The following MYH10 variants were observed in gnomAD, a reference collection of about 807,000 sequenced individuals.
MYH10 encodes the protein myosin-10.
Under a neutral mutation model 257.8 loss-of-function variants are expected in MYH10, and 55 were observed. The ratio of observed to expected loss-of-function variants is 0.21; its 90% CI spans 0.17 to 0.27. The LOEUF (loss-of-function observed/expected upper bound fraction) is 0.27. MYH10 is among the 10% of genes least tolerant of loss of function. MYH10 has a pLI of 1.00. For synonymous variants in MYH10, 854 were observed against 921.7 expected (o/e 0.93, Z 1.33); for missense variants, 1,631 against 2,500.6 (o/e 0.65, Z 7.42).
chr17:8,605,060 C>T (rs1402272622), intron 2 of MYH10, 78 bp from the exon 3 acceptor site: 9 of 721,066 alleles, frequency 1.2e-5, no homozygotes, highest in Admixed American at 1.2e-4. Context: ...GAGACAGAAA[C>T]CAAAGAGTCA....
chr17:8,503,795 TA>T (rs2151851765), intron 28 of MYH10, among the ~76,000 whole-genome samples: 1 of 152,346 alleles, frequency 6.6e-6, no homozygotes, highest in Admixed American at 6.5e-5. Flanking sequence ...GGTGATGGGC[TA>T]TCCTTTCCAT....
chr17:8,502,778 C>T (rs1341733771), intron 28 of MYH10, among the ~76,000 whole-genome samples: 2 of 152,134 alleles, frequency 1.3e-5, no homozygotes, highest in Admixed American at 6.5e-5. Flanking sequence ...TACAGCTGAG[C>T]ACAGGCATGG....
At chr17:8,480,699 C>T in intron 38 of MYH10, 174 bp from the exon 39 acceptor site, 1 of 801,654 alleles carries the variant, frequency 1.2e-6, no homozygotes, top group African/African-American at 1.7e-5. Flanking sequence ...ATGACACTTC[C>T]AAACACCCTC....
intron 1 of MYH10, among the ~76,000 whole-genome samples, chr17:8,626,445 C>T (rs7218659): frequency 0.34 from 51,383 of 151,606 alleles, 11,007 homozygotes; most frequent in African/African-American, 0.62. Flanking sequence ...CACAGGCCTG[C>T]AGTCCCAGTT....
Position 8,530,662 on chromosome 17 carries a change from A to C in MYH10, c.1918T>G (p.Ser640Ala), listed in dbSNP as rs1373174445. Residue 640 changes from serine to alanine, a missense_variant, in exon 17 of 43, where the codon TCT becomes GCT. Around this residue, in one of 11 missense-constraint regions of MYH10, gnomAD observed 96 missense variants for 146.2 expected, o/e 0.66. Transcript: ENST00000360416. ...AGACCAGAAACACTGTCATAGAAAG[A>C]AGCTCTCTGAATATTCTGAATCTCT... is the stretch of plus-strand genomic sequence containing the variant. ...KDEIQNIQRA[S>A]FYDSVSGLHE... is the part of the protein sequence containing the mutation. The C allele has an allele frequency of 1.3e-6, 2 of 1,550,074 alleles. No homozygotes were observed. Among genetic ancestry groups the C allele is most frequent in the Non-Finnish European group, 1.7e-6 (2 of 1,146,770 alleles).
At chr17:8,568,422 T>C (rs1288792100) in intron 7 of MYH10, among the ~76,000 whole-genome samples, 1 of 152,126 alleles carries the variant, frequency 6.6e-6, no homozygotes, top group Non-Finnish European at 1.5e-5. Flanking sequence ...CCACTAATCA[T>C]AGCAACCACA....
At chr17:8,589,228 G>T in intron 3 of MYH10, 120 bp from the exon 4 acceptor site, 3 of 984,730 alleles carry the variant, frequency 3.0e-6, no homozygotes, top group Non-Finnish European at 3.1e-6. Context: ...CTCCTCTCGA[G>T]CCAAGTTAAT....
chr17:8,511,015 CATATATATATATATATAT>C (rs56144668), intron 24 of MYH10: 17 of 120,550 alleles, frequency 1.4e-4, no homozygotes, highest in African/African-American at 5.4e-4. Flanking sequence ...TCATGTACCC[CATATATATATATATATAT>C]ATATATATAT....
At chr17:8,567,626 A>T (rs897291638) in intron 7 of MYH10, among the ~76,000 whole-genome samples, 1 of 152,194 alleles carries the variant, frequency 6.6e-6, no homozygotes, top group Non-Finnish European at 1.5e-5. Flanking sequence ...TGGTGTCCTC[A>T]TAAGAAGAGA....
intron 7 of MYH10, among the ~76,000 whole-genome samples, chr17:8,555,078 T>A (rs1396230937): frequency 5.3e-5 from 8 of 151,410 alleles, no homozygotes; most frequent in Admixed American, 2.6e-4. Context: ...CACTCCAGCC[T>A]GGTGACAGAG....
chr17:8,600,619 A>C (rs1219895588), intron 3 of MYH10, among the ~76,000 whole-genome samples: 2 of 152,190 alleles, frequency 1.3e-5, no homozygotes, highest in Non-Finnish European at 2.9e-5. Context: ...AACACAGGGC[A>C]ATGGCAAGGC....
chr17:8,533,249 C>A (rs1221681230), intron 16 of MYH10, among the ~76,000 whole-genome samples: 1 of 152,132 alleles, frequency 6.6e-6, no homozygotes, highest in Non-Finnish European at 1.5e-5. Context: ...CCTACTGATG[C>A]TATTTATTCA....
chr17:8,561,789 T>G (rs918642454), intron 7 of MYH10, among the ~76,000 whole-genome samples: 1 of 152,146 alleles, frequency 6.6e-6, no homozygotes, highest in Non-Finnish European at 1.5e-5. Flanking sequence ...GTTCCCTAGC[T>G]TGGTGTCCTT....
intron 31 of MYH10, 86 bp downstream of exon 31, chr17:8,495,051 G>A: frequency 1.2e-6 from 1 of 815,198 alleles, no homozygotes; most frequent in Non-Finnish European, 2.1e-6. Flanking sequence ...GACACAGAAG[G>A]CAATTCTGGG....
rs777450568 is a variant in MYH10 at position 8,474,278 on chromosome 17, A to C, written c.*1526T>G. ...CACGGGTGCTTTTTTCTTCAAGTAA[A>C]CAGAGCAGGCGCAAATATCTATAAT... On this transcript the variant is annotated 3_prime_UTR_variant, in exon 43 of 43. Coordinates refer to ENST00000360416, the MANE Select transcript of MYH10 (RefSeq NM_001256012.3). The C allele has an allele frequency of 6.6e-6, 1 of 152,632 alleles. No homozygotes were observed. The highest frequency in any genetic ancestry group is 1.5e-5 in the Non-Finnish European group (1 of 68,026). The allele number at this position is 152,632 out of a possible 1,614,324, so 9.5% of individuals were successfully genotyped here.
intron 33 of MYH10, 27 bp from the exon 34 acceptor site, chr17:8,492,536 G>A (rs770354049): frequency 1.3e-5 from 21 of 1,579,406 alleles, no homozygotes; most frequent in East Asian, 2.3e-5. Flanking sequence ...GGGGGAATAC[G>A]AAAAACCGAA....
chr17:8,625,216 A>T (rs974782244), intron 1 of MYH10, among the ~76,000 whole-genome samples: 1 of 152,176 alleles, frequency 6.6e-6, no homozygotes, highest in Non-Finnish European at 1.5e-5. Context: ...GTGCCACTGC[A>T]CTCCAGGCTG....
chr17:8,546,984 G>T (rs1215828977), intron 11 of MYH10, among the ~76,000 whole-genome samples: 1 of 152,150 alleles, frequency 6.6e-6, no homozygotes, highest in East Asian at 1.9e-4. Context: ...TCTCACTACT[G>T]ATCAGCACGG....
chr17:8,548,014 A>G (rs1361322514), intron 11 of MYH10, among the ~76,000 whole-genome samples: 2 of 152,036 alleles, frequency 1.3e-5, no homozygotes, highest in East Asian at 3.9e-4. Flanking sequence ...GGAACTCGGC[A>G]GCTGCACCAC....
Sources: gnomAD v4.1 joint callset for allele counts (sites outside exome capture counted in the v4.1 genomes callset) on GRCh38, gnomAD v4.1.1 for gene constraint, gnomAD v4.1.1 regional missense constraint, MANE v1.5 for transcripts, NCBI Gene and HGNC (gene_info 2026-07-23, HGNC 2026-07-21) for gene names.